ADAMTS2: variants seen among roughly 807,000 people sequenced by gnomAD.
ADAMTS2 encodes ADAM metallopeptidase with thrombospondin type 1 motif 2, also known as A disintegrin and metalloproteinase with thrombospondin motifs 2.
In ADAMTS2, 50 loss-of-function variants were observed where a neutral mutation model predicts 123.0. That is an observed-to-expected ratio of 0.41 (90% CI 0.32 to 0.51). ADAMTS2 has a LOEUF of 0.51. Among genes scored for constraint, ADAMTS2 ranks in the 20% least tolerant of loss-of-function variants. ADAMTS2 has a pLI of 0.35. For synonymous variants in ADAMTS2, 678 were observed against 695.4 expected (o/e 0.98, Z 0.39); for missense variants, 1,494 against 1,705.2 (o/e 0.88, Z 2.18).
chr5:179,326,273 C>T (rs1018006870), intron 2 of ADAMTS2, among the ~76,000 whole-genome samples: 2 of 150,500 alleles, frequency 1.3e-5, no homozygotes, highest in African/African-American at 2.4e-5. Context: ...GCTGTATTGG[C>T]GGGAAGAGCT....
At chr5:179,151,932 C>T (rs921794489) in intron 10 of ADAMTS2, among the ~76,000 whole-genome samples, 10 of 152,184 alleles carry the variant, frequency 6.6e-5, no homozygotes, top group African/African-American at 1.9e-4. Flanking sequence ...CTCTCAGATG[C>T]CAGGTGTGCT....
At chr5:179,134,008 A>C (rs1223677654) in intron 13 of ADAMTS2, among the ~76,000 whole-genome samples, 1 of 151,928 alleles carries the variant, frequency 6.6e-6, no homozygotes, top group Non-Finnish European at 1.5e-5. Context: ...CACCACGCCC[A>C]GCCCCTATCC....
intron 3 of ADAMTS2, among the ~76,000 whole-genome samples, chr5:179,266,446 T>C (rs1482448188): frequency 6.6e-6 from 1 of 152,060 alleles, no homozygotes; most frequent in African/African-American, 2.4e-5. Context: ...GCAGCAATGT[T>C]GCCACAAGCC....
In ADAMTS2 at chr5:179,201,730, AG is replaced by A. The variant is rs534328193; in HGVS notation, c.891+5782del. The stretch of plus-strand genomic sequence containing the variant: ...GGCAGGAGAATCGTTTGAACTCGGG[AG>A]GAAGAGGTTGCAGTGAGCCAAGATC... On this transcript the variant is annotated intron_variant, in intron 4 of 21. Coordinates refer to ENST00000251582, the MANE Select transcript of ADAMTS2 (RefSeq NM_014244.5). Among the ~76,000 whole-genome samples, 20 of 151,306 alleles carry A rather than the reference AG, an allele frequency of 1.3e-4. No homozygotes were observed. The South Asian group carries it at 4.2e-3, about 32-fold the overall frequency.
chr5:179,292,263 G>A (rs1356061700), intron 2 of ADAMTS2, among the ~76,000 whole-genome samples: 1 of 151,680 alleles, frequency 6.6e-6, no homozygotes, highest in East Asian at 1.9e-4. Flanking sequence ...TGCGGGGCAA[G>A]AAGATATACA....
At chr5:179,254,966 GA>G (rs1364421975) in intron 3 of ADAMTS2, among the ~76,000 whole-genome samples, 3 of 152,236 alleles carry the variant, frequency 2.0e-5, no homozygotes, top group Admixed American at 6.5e-5. Context: ...GGATTGGGTG[GA>G]TGAATGAGTG....
Position 179,142,856 on chromosome 5 carries a change from C to T in ADAMTS2, c.1630-2821G>A, listed in dbSNP as rs563736696. ...CAGCAAGGCCCAGGGGATCATTATC[C>T]AGTTTCTTCAATGTATTATCTAAAG... On this transcript the variant is annotated intron_variant, in intron 10 of 21. Transcript: ENST00000251582. Among the ~76,000 whole-genome samples the T allele has an allele frequency of 1.6e-4, 25 of 152,246 alleles. No individual in the cohort carries two copies. The South Asian group carries it at 5.0e-3, about 30-fold the overall frequency.
In ADAMTS2 at chr5:179,189,503, G is replaced by A. The variant is rs1287941043; in HGVS notation, c.892-8348C>T. 1.5e-5 allele frequency among the ~76,000 whole-genome samples: 2 copies of A among 135,722 alleles called. No homozygotes were observed. The highest frequency in any genetic ancestry group is 3.1e-5 in the Non-Finnish European group (2 of 63,858). The allele number at this position is 135,722 out of a possible 152,430, so 89.0% of individuals were successfully genotyped here. A position where few individuals can be genotyped will look rare whatever the true frequency, so the allele number is the denominator to read the frequency against. ...GCTGGGGCTACAGGCGCCCGCCAGT[G>A]CGCCTGGTTTTTTTTTTTTTTTTTT... On this transcript the variant is annotated intron_variant, in intron 4 of 21. Coordinates refer to ENST00000251582, the MANE Select transcript of ADAMTS2 (RefSeq NM_014244.5). This position sits in a 1 kb window ranked among gnomAD's most constrained non-coding sequence, Gnocchi z 4.2.
intron 4 of ADAMTS2, among the ~76,000 whole-genome samples, chr5:179,194,578 G>C (rs780294789): frequency 1.3e-5 from 2 of 152,128 alleles, no homozygotes; most frequent in African/African-American, 4.8e-5. Context: ...GAGAACCCGC[G>C]GAGCATGCTA....
At chr5:179,227,109 A>ATG (rs1299625806) in intron 3 of ADAMTS2, among the ~76,000 whole-genome samples, 3 of 101,242 alleles carry the variant, frequency 3.0e-5, no homozygotes, top group African/African-American at 3.7e-5. Flanking sequence ...GGATTTATAT[A>ATG]TGTGTGTGTA....
rs565892095 is a variant in ADAMTS2, at chr5:179,172,117, C to T, written c.975+8955G>A. On this transcript the variant is annotated intron_variant, in intron 5 of 21. Coordinates refer to ENST00000251582, the MANE Select transcript of ADAMTS2 (RefSeq NM_014244.5). The stretch of plus-strand genomic sequence containing the variant: ...GCCCCTTCCCAGCAGGAGGCGGAAG[C>T]AAGGCCAGCCTCAGTTCACCTATGT... Among the ~76,000 whole-genome samples, 3 of 152,344 alleles carry T rather than the reference C, an allele frequency of 2.0e-5. No individual in the cohort carries two copies. In the South Asian group the frequency reaches 6.2e-4, roughly 32 times the overall value.
intron 3 of ADAMTS2, among the ~76,000 whole-genome samples, chr5:179,208,067 G>A (rs1314466898): frequency 1.5e-5 from 1 of 66,842 alleles, no homozygotes; most frequent in Non-Finnish European, 2.7e-5. Context: ...GCCTTATGGA[G>A]CCCAGGGCTG....
intron 4 of ADAMTS2, among the ~76,000 whole-genome samples, chr5:179,201,778 G>A (rs1209354552): frequency 6.6e-6 from 1 of 151,972 alleles, no homozygotes; most frequent in African/African-American, 2.4e-5. Context: ...CTCCAGCCTG[G>A]GCGACAGAGT....
At position 179,189,510 on chromosome 5, in the gene ADAMTS2, G is replaced by GCTTTTTTTTTTTTTTTTTTTTTTTT. The variant is rs1554128903; in HGVS notation, c.892-8356_892-8355insAAAAAAAAAAAAAAAAAAAAAAAAG. Reference sequence around the variant, plus strand: ...CTACAGGCGCCCGCCAGTGCGCCTGGTTTTTTTTTTTTTTTTTTTTTTTTT... The same window carrying GCTTTTTTTTTTTTTTTTTTTTTTTT: ...CTACAGGCGCCCGCCAGTGCGCCTGGCTTTTTTTTTTTTTTTTTTTTTTTTTTTTTTTTTTTTTTTTTTTTTTTTT... On this transcript the variant is annotated intron_variant, in intron 4 of 21. Transcript: ENST00000251582. The surrounding 1 kb of genome is among the most constrained non-coding windows in gnomAD (Gnocchi z 4.2). Among the ~76,000 whole-genome samples the GCTTTTTTTTTTTTTTTTTTTTTTTT allele has an allele frequency of 2.5e-5, 2 of 78,948 alleles. 1 individual carries two copies. Among genetic ancestry groups the GCTTTTTTTTTTTTTTTTTTTTTTTT allele is most frequent in the African/African-American group, 8.9e-5 (2 of 22,366 alleles). 51.8% of individuals were successfully genotyped at this position (78,948 alleles called of 152,430 possible).
At chr5:179,276,133 C>T (rs564015726) in intron 2 of ADAMTS2, among the ~76,000 whole-genome samples, 12 of 152,296 alleles carry the variant, frequency 7.9e-5, no homozygotes, top group Admixed American at 7.8e-4. Flanking sequence ...CTGGCGAAGA[C>T]TCAGCAGATG....
intron 4 of ADAMTS2, among the ~76,000 whole-genome samples, chr5:179,191,044 G>C (rs566106332): frequency 6.6e-6 from 1 of 152,262 alleles, no homozygotes; most frequent in Non-Finnish European, 1.5e-5. Context: ...CCCGCTGACC[G>C]GATGCCTCAT....
intron 2 of ADAMTS2, among the ~76,000 whole-genome samples, chr5:179,289,638 A>G (rs955452480): frequency 1.3e-5 from 2 of 152,226 alleles, no homozygotes; most frequent in Admixed American, 6.5e-5. Flanking sequence ...CTCATCTGAG[A>G]CCTGAAAAAA....
chr5:179,242,388 G>C lies in ADAMTS2; in HGVS notation c.688+30523C>G, dbSNP rs2113453009. On this transcript the variant is annotated intron_variant, in intron 3 of 21. Coordinates refer to ENST00000251582, the MANE Select transcript of ADAMTS2 (RefSeq NM_014244.5). This position sits in a 1 kb window ranked among gnomAD's most constrained non-coding sequence, Gnocchi z 4.2. ...GTCTTCTACCTTCCTTATTGCTGTG[G>C]CCCTTTAAAAAAAGATTAGGAATCA... 6.6e-6 allele frequency among the ~76,000 whole-genome samples: 1 copy of C among 152,088 alleles called. No homozygotes were observed. Among genetic ancestry groups the C allele is most frequent in the East Asian group, 1.9e-4 (1 of 5,168 alleles).
At chr5:179,294,962 C>G (rs1447450588) in intron 2 of ADAMTS2, among the ~76,000 whole-genome samples, 1 of 152,204 alleles carries the variant, frequency 6.6e-6, no homozygotes, top group Non-Finnish European at 1.5e-5. Context: ...CCTCCTGTCG[C>G]TCTCAACTAC....
Sources: allele counts gnomAD v4.1 joint callset (sites outside exome capture counted in the v4.1 genomes callset), GRCh38; gene constraint gnomAD v4.1.1; non-coding constraint Gnocchi (gnomAD v3.1); transcripts MANE v1.5; gene names NCBI Gene and HGNC (gene_info 2026-07-23, HGNC 2026-07-21).